Variants in VAV3 observed in about 807,000 individuals in gnomAD.
The protein encoded by VAV3 is vav guanine nucleotide exchange factor 3.
A neutral mutation model predicts 131.2 loss-of-function variants in VAV3; 94 were observed. That is an observed-to-expected ratio of 0.72 (90% CI 0.61 to 0.85). VAV3 has a LOEUF of 0.85. VAV3 is among the 40% of genes least tolerant of loss of function. The probability of loss-of-function intolerance (pLI) is 0.00; values close to 1 mark genes in which losing one functional copy is unlikely to be tolerated. For synonymous variants in VAV3, 349 were observed against 342.0 expected (o/e 1.02, Z -0.22); for missense variants, 939 against 1,002.7 (o/e 0.94, Z 0.86).
chr1:107,726,069 T>C (rs187269908), intron 15 of VAV3, among the ~76,000 whole-genome samples: 1 of 152,304 alleles, frequency 6.6e-6, no homozygotes, highest in Non-Finnish European at 1.5e-5. Flanking sequence ...AATATTATGC[T>C]ATCAATATCC....
chr1:107,574,626 A>G (rs1266142631), intron 25 of VAV3, among the ~76,000 whole-genome samples: 1 of 152,246 alleles, frequency 6.6e-6, no homozygotes, highest in Non-Finnish European at 1.5e-5. Flanking sequence ...GTTTTTATCC[A>G]GTAACTGCTT....
intron 2 of VAV3, among the ~76,000 whole-genome samples, chr1:107,797,781 A>G (rs1215220719): frequency 6.6e-6 from 1 of 152,146 alleles, no homozygotes; most frequent in Non-Finnish European, 1.5e-5. Flanking sequence ...TTTATTTTTA[A>G]CCTTTGGCTT....
At chr1:107,638,649 C>T (rs1245750857) in intron 20 of VAV3, among the ~76,000 whole-genome samples, 1 of 152,050 alleles carries the variant, frequency 6.6e-6, no homozygotes, top group African/African-American at 2.4e-5. Context: ...TCTCAACAAG[C>T]TTTTTTATTG....
At position 107,641,760 on chromosome 1, in the gene VAV3, A is replaced by C. The variant is rs112693401; in HGVS notation, c.1914+859T>G. ...GTAGTTCCCCTGAAGTGAACTGTTA[A>C]TATATTAAAGCCATGCAAATTAGAT... On this transcript the variant is annotated intron_variant, in intron 20 of 26. Transcript: ENST00000370056. 3.5e-3 allele frequency among the ~76,000 whole-genome samples: 539 copies of C among 152,244 alleles called. 5 individuals are homozygous for C. Among genetic ancestry groups the C allele is most frequent in the Middle Eastern group, 0.031 (9 of 294 alleles).
At chr1:107,707,334 C>A (rs1397414887) in intron 15 of VAV3, among the ~76,000 whole-genome samples, 1 of 152,146 alleles carries the variant, frequency 6.6e-6, no homozygotes, top group African/African-American at 2.4e-5. Context: ...GGGCTTACAT[C>A]CTAACTTGCA....
chr1:107,589,213 C>A (rs937858882), intron 25 of VAV3, among the ~76,000 whole-genome samples: 5 of 152,126 alleles, frequency 3.3e-5, no homozygotes, highest in Admixed American at 1.3e-4. Flanking sequence ...AAAAGATATG[C>A]CCACCCAGGA....
At chr1:107,914,167 G>A (rs1052519167) in intron 1 of VAV3, among the ~76,000 whole-genome samples, 6 of 152,216 alleles carry the variant, frequency 3.9e-5, no homozygotes, top group Non-Finnish European at 8.8e-5. Flanking sequence ...ATGACAGACA[G>A]ATGAATGTAA....
At chr1:107,822,044 T>C (rs916187244) in intron 2 of VAV3, among the ~76,000 whole-genome samples, 2 of 152,044 alleles carry the variant, frequency 1.3e-5, no homozygotes, top group South Asian at 2.1e-4. Context: ...TACTGACTGG[T>C]TGAGCTGGTG....
At chr1:107,865,063 G>T (rs1366042217) in intron 2 of VAV3, among the ~76,000 whole-genome samples, 2 of 152,136 alleles carry the variant, frequency 1.3e-5, no homozygotes, top group African/African-American at 2.4e-5. Flanking sequence ...ATGCAGTAGG[G>T]ATCCTCATCA....
At chr1:107,736,384 AG>A (rs747336365) in intron 15 of VAV3, among the ~76,000 whole-genome samples, 3 of 152,198 alleles carry the variant, frequency 2.0e-5, no homozygotes, top group Non-Finnish European at 4.4e-5. Context: ...AAAGAAATAA[AG>A]GGTATTCAAT....
At chr1:107,790,128 C>G (rs1666211805) in intron 2 of VAV3, among the ~76,000 whole-genome samples, 1 of 152,212 alleles carries the variant, frequency 6.6e-6, no homozygotes, top group Admixed American at 6.5e-5. Flanking sequence ...GCCTACACTT[C>G]TAGAAGCCCA....
intron 1 of VAV3, among the ~76,000 whole-genome samples, chr1:107,894,920 C>G (rs906331088): frequency 6.6e-6 from 1 of 152,188 alleles, no homozygotes; most frequent in Non-Finnish European, 1.5e-5. Flanking sequence ...GCTTTCTATT[C>G]TATCAGGCAG....
At chr1:107,881,570 T>G (rs1422731129) in intron 1 of VAV3, among the ~76,000 whole-genome samples, 1 of 152,194 alleles carries the variant, frequency 6.6e-6, no homozygotes, top group Admixed American at 6.5e-5. Context: ...AACAAAGCCA[T>G]GTGTCTTCAA....
At chr1:107,837,818 C>T (rs1338584373) in intron 2 of VAV3, among the ~76,000 whole-genome samples, 1 of 151,994 alleles carries the variant, frequency 6.6e-6, no homozygotes, top group Non-Finnish European at 1.5e-5. Flanking sequence ...ATGGTACTGG[C>T]ATTACTGGCT....
At chr1:107,670,554 T>C (rs1187325193) in intron 19 of VAV3, among the ~76,000 whole-genome samples, 7 of 152,212 alleles carry the variant, frequency 4.6e-5, no homozygotes, top group Admixed American at 4.6e-4. Flanking sequence ...TTCTTGTGCT[T>C]CGATGGTGAT....
At chr1:107,719,172 A>G (rs1661323515) in intron 15 of VAV3, among the ~76,000 whole-genome samples, 1 of 152,236 alleles carries the variant, frequency 6.6e-6, no homozygotes, top group Non-Finnish European at 1.5e-5. Flanking sequence ...CTAAAACACC[A>G]AAAGCAATGG....
At chr1:107,629,591 T>G (rs1376484616) in intron 20 of VAV3, among the ~76,000 whole-genome samples, 2 of 152,160 alleles carry the variant, frequency 1.3e-5, no homozygotes, top group Admixed American at 6.6e-5. Context: ...GAAGGCAATT[T>G]TATAGAGCTT....
At chr1:107,826,474 T>C (rs952835239) in intron 2 of VAV3, among the ~76,000 whole-genome samples, 60 of 152,330 alleles carry the variant, frequency 3.9e-4, no homozygotes, top group African/African-American at 1.4e-3. Context: ...CCTCCTGCAT[T>C]ATAGTTCACA....
intron 1 of VAV3, among the ~76,000 whole-genome samples, chr1:107,913,991 C>T (rs552918490): frequency 6.6e-6 from 1 of 152,266 alleles, no homozygotes; most frequent in East Asian, 1.9e-4. Context: ...GACGGGGTTT[C>T]ACCATGTTGG....
Sources: gnomAD v4.1 joint callset for allele counts (sites outside exome capture counted in the v4.1 genomes callset) on GRCh38, gnomAD v4.1.1 for gene constraint, MANE v1.5 for transcripts, NCBI Gene and HGNC (gene_info 2026-07-23, HGNC 2026-07-21) for gene names.